Variants in FAIM observed in about 807,000 individuals in gnomAD.
The protein encoded by FAIM is fas apoptotic inhibitory molecule 1.
In FAIM, 14 loss-of-function variants were observed where a neutral mutation model predicts 21.2. That is an observed-to-expected ratio of 0.66 (90% CI 0.44 to 1.03). FAIM has a LOEUF of 1.03. Ranked by LOEUF, FAIM falls within the 50% of genes least tolerant of loss-of-function variation. FAIM has a pLI of 0.00. For synonymous variants in FAIM, 86 were observed against 80.4 expected, an observed-to-expected ratio of 1.07 and a Z score of -0.37; for missense variants, 222 against 247.1, an observed-to-expected ratio of 0.90 and a Z score of 0.68.
chr3:138,609,602 CT>C (rs2042743517), intron 1 of FAIM, among the ~76,000 whole-genome samples: 1 of 106,626 alleles, frequency 9.4e-6, no homozygotes, highest in Non-Finnish European at 1.9e-5. Context: ...GACTCTCTCT[CT>C]CTCTCTCTCG....
intron 4 of FAIM, 46 bp from the exon 5 acceptor site, chr3:138,629,061 T>C: frequency 6.9e-7 from 1 of 1,439,224 alleles, no homozygotes. Context: ...AACTTTATCT[T>C]TAAATCACAG....
At position 138,610,782 on chromosome 3, in the gene FAIM, C is replaced by T. The variant is rs1442650582; in HGVS notation, c.-17+1845C>T. On this transcript the variant is annotated intron_variant, in intron 1 of 5. Coordinates refer to ENST00000360570, the MANE Select transcript of FAIM (RefSeq NM_001033031.2). ...TATTTTTGCAAAGACAGGATTTCAC[C>T]GTTTTGTCCAGGCTGGTCTTGAACT... 3.3e-5 allele frequency: 18 copies of T among 550,190 alleles called. No individual in the cohort carries two copies. The East Asian group carries it at 5.1e-4, about 15-fold the overall frequency. The allele number at this position is 550,190 out of a possible 1,614,324, so 34.1% of individuals were successfully genotyped here. A position where few individuals can be genotyped will look rare whatever the true frequency, so the allele number is the denominator to read the frequency against.
At chr3:138,614,408 C>G (rs1264835536) in intron 1 of FAIM, among the ~76,000 whole-genome samples, 4 of 151,862 alleles carry the variant, frequency 2.6e-5, no homozygotes, top group African/African-American at 9.7e-5. Context: ...CCACTGCACT[C>G]CAGCCTGGAT....
At chr3:138,630,094 G>C (rs1468676517) in intron 5 of FAIM, 3 of 152,254 alleles carry the variant, frequency 2.0e-5, no homozygotes, top group East Asian at 3.8e-4. Flanking sequence ...GCTGGCTCCA[G>C]ATGTGAACAT....
chr3:138,621,296 A>T, intron 2 of FAIM, 111 bp from the exon 3 acceptor site: 1 of 1,149,046 alleles, frequency 8.7e-7, no homozygotes, highest in Non-Finnish European at 1.3e-6. Flanking sequence ...CTGTCACTTT[A>T]ATATTTTGAC....
Position 138,622,429 on chromosome 3 carries a change from TG to T in FAIM, c.406+14del. ...AGAATTGTTTTGGGTAAGTTAGTGC[TG>T]TTTCCGCAGAACTTTTTTTTTTTTT... On this transcript the variant is annotated intron_variant, in intron 4 of 5. Transcript: ENST00000360570. The T allele has an allele frequency of 6.6e-7, 1 of 1,519,990 alleles. No homozygotes were observed. Among genetic ancestry groups the T allele is most frequent in the East Asian group, 2.3e-5 (1 of 43,526 alleles). 94.2% of individuals were successfully genotyped at this position (1,519,990 alleles called of 1,614,324 possible). A position where few individuals can be genotyped will look rare whatever the true frequency, so the allele number is the denominator to read the frequency against.
chr3:138,621,910 G>A (rs2042890252), intron 3 of FAIM, among the ~76,000 whole-genome samples: 1 of 151,964 alleles, frequency 6.6e-6, no homozygotes, highest in Non-Finnish European at 1.5e-5. Context: ...AGCCTCTCAA[G>A]TAGCTGGGAT....
intron 4 of FAIM, among the ~76,000 whole-genome samples, chr3:138,624,735 C>T (rs1450405030): frequency 2.0e-5 from 3 of 152,184 alleles, no homozygotes. Context: ...ATTACTTAAC[C>T]TCTGAACCTT....
chr3:138,617,461 A>G (rs922713952), intron 1 of FAIM, among the ~76,000 whole-genome samples: 1 of 147,076 alleles, frequency 6.8e-6, no homozygotes, highest in African/African-American at 2.5e-5. Flanking sequence ...TAGTATTTAT[A>G]TGTACTCCAG....
At chr3:138,609,341 G>A (rs938936092) in intron 1 of FAIM, among the ~76,000 whole-genome samples, 5 of 151,912 alleles carry the variant, frequency 3.3e-5, no homozygotes, top group African/African-American at 1.2e-4. Context: ...CGGCCTGTTC[G>A]CGACCTCTAA....
chr3:138,629,068 A>G (rs376205300), intron 4 of FAIM, 39 bp from the exon 5 acceptor site: 7 of 1,469,852 alleles, frequency 4.8e-6, no homozygotes, highest in Non-Finnish European at 6.6e-6. Context: ...TCTTTAAATC[A>G]CAGAATTATA....
At chr3:138,618,341 G>A (rs2042850183) in intron 1 of FAIM, among the ~76,000 whole-genome samples, 1 of 152,072 alleles carries the variant, frequency 6.6e-6, no homozygotes, top group Non-Finnish European at 1.5e-5. Context: ...TGGCCCGTTG[G>A]ATTGCTTTTA....
At chr3:138,623,491 G>A (rs991453578) in intron 4 of FAIM, among the ~76,000 whole-genome samples, 12 of 151,636 alleles carry the variant, frequency 7.9e-5, no homozygotes, top group Admixed American at 7.2e-4. Flanking sequence ...TCAGCCTCCC[G>A]AGTAGCTGGG....
chr3:138,611,149 T>A, intron 1 of FAIM: 1 of 856,800 alleles, frequency 1.2e-6, no homozygotes. Context: ...CTTAGAGATC[T>A]ATGTGACAGA....
At chr3:138,619,828 C>CTTTTGAATGAT in intron 2 of FAIM, 58 bp downstream of exon 2, 1 of 1,458,360 alleles carries the variant, frequency 6.9e-7, no homozygotes, top group Non-Finnish European at 9.5e-7. Flanking sequence ...TGTTATCATT[C>CTTTTGAATGAT]AAAAGAGTGA....
chr3:138,631,475 T>C (rs1462741932), intron 5 of FAIM, among the ~76,000 whole-genome samples: 1 of 147,012 alleles, frequency 6.8e-6, no homozygotes, highest in South Asian at 2.1e-4. Flanking sequence ...TTCATCCACA[T>C]GTCTTTGTTT....
rs1337253407 is a variant in FAIM, at chr3:138,633,004, T to C, written c.531T>C (p.Ser177=). The change falls in exon 6 of 6, where the codon AGT becomes AGC. Residue 177 remains serine (S), a synonymous_variant. Transcript: ENST00000360570. ...GNHDCYIKAV[S]SGKRKEGIIH... ...ATGACTGTTACATAAAGGCTGTCAG[T>C]AGTGGGAAGCGGAAAGAAGGGATTA... 6 of 1,613,782 alleles carry C rather than the reference T, an allele frequency of 3.7e-6. No homozygotes were observed. The highest frequency in any genetic ancestry group is 5.1e-6 in the Non-Finnish European group (6 of 1,179,890).
intron 4 of FAIM, among the ~76,000 whole-genome samples, chr3:138,628,641 T>C (rs527770137): frequency 2.5e-4 from 38 of 152,006 alleles, no homozygotes; most frequent in African/African-American, 2.9e-4. Flanking sequence ...CCCACCACCA[T>C]GCCCGGCTAA....
At chr3:138,610,732 C>A in intron 1 of FAIM, 2 of 403,446 alleles carry the variant, frequency 5.0e-6, no homozygotes. Flanking sequence ...TACAGACGTG[C>A]GCTACCATGC....
Sources: gnomAD v4.1 joint callset for allele counts (sites outside exome capture counted in the v4.1 genomes callset) on GRCh38, gnomAD v4.1.1 for gene constraint, MANE v1.5 for transcripts, NCBI Gene and HGNC (gene_info 2026-07-23, HGNC 2026-07-21) for gene names.